Variants in GRM1 observed in about 807,000 individuals in gnomAD.
GRM1 encodes the protein glutamate metabotropic receptor 1.
In GRM1, 33 loss-of-function variants were observed where a neutral mutation model predicts 90.9. The ratio of observed to expected loss-of-function variants is 0.36; its 90% CI spans 0.28 to 0.49. The LOEUF (loss-of-function observed/expected upper bound fraction) is 0.49, where lower values mean the gene tolerates loss of function less well. Among genes scored for constraint, GRM1 ranks in the 20% least tolerant of loss-of-function variants. The pLI, the probability that GRM1 is intolerant of heterozygous loss-of-function variation, is 0.99. For missense variants in GRM1, 1,190 were observed against 1,534.3 expected (o/e 0.78, Z 3.75); for synonymous variants, 700 against 613.2 (o/e 1.14, Z -2.09).
intron 3 of GRM1, among the ~76,000 whole-genome samples, chr6:146,335,728 A>C (rs539755087): frequency 1.3e-5 from 2 of 152,284 alleles, no homozygotes; most frequent in South Asian, 2.1e-4. Flanking sequence ...CCATTTTAAC[A>C]GATACATTAA....
At chr6:146,324,398 G>A (rs1021248784) in intron 3 of GRM1, among the ~76,000 whole-genome samples, 2 of 151,984 alleles carry the variant, frequency 1.3e-5, no homozygotes, top group African/African-American at 4.8e-5. Flanking sequence ...CCAGGGGAGT[G>A]AACAGTTCTC....
chr6:146,320,415 C>A (rs1314470592), intron 3 of GRM1, among the ~76,000 whole-genome samples: 1 of 151,994 alleles, frequency 6.6e-6, no homozygotes, highest in South Asian at 2.1e-4. Flanking sequence ...GGGATATTGG[C>A]CTGAAATTTT....
chr6:146,098,905 A>T (rs1276438407), intron 1 of GRM1, among the ~76,000 whole-genome samples: 1 of 152,062 alleles, frequency 6.6e-6, no homozygotes, highest in Non-Finnish European at 1.5e-5. Context: ...AGCCATGCCA[A>T]ACTGTGAGTC....
intron 2 of GRM1, among the ~76,000 whole-genome samples, chr6:146,180,748 GT>G (rs1425760484): frequency 7.9e-5 from 12 of 151,834 alleles, no homozygotes; most frequent in Non-Finnish European, 1.8e-4. Context: ...GCTTCTCATG[GT>G]TTACTCTTTC....
intron 2 of GRM1, among the ~76,000 whole-genome samples, chr6:146,226,635 T>G (rs188547709): frequency 6.6e-6 from 1 of 152,300 alleles, no homozygotes; most frequent in Admixed American, 6.5e-5. Context: ...GTGAGTGGTC[T>G]TAATTAAAAC....
intron 3 of GRM1, chr6:146,340,555 G>GT (rs34284341): frequency 0.14 from 20,592 of 151,334 alleles, 1,507 homozygotes; most frequent in South Asian, 0.21. Context: ...TTTGTTTTTT[G>GT]TTTTTTTTGA....
intron 2 of GRM1, among the ~76,000 whole-genome samples, chr6:146,221,192 G>T (rs575207374): frequency 2.0e-5 from 3 of 152,194 alleles, no homozygotes; most frequent in African/African-American, 7.2e-5. Context: ...AAGAATCAGA[G>T]ATTTTTTTAA....
In GRM1 at chr6:146,238,552, A is replaced by G. The variant is rs570090462; in HGVS notation, c.951-66059A>G. Among the ~76,000 whole-genome samples the G allele has an allele frequency of 2.6e-5, 4 of 152,270 alleles. No individual in the cohort carries two copies. In the South Asian group the frequency reaches 8.3e-4, roughly 32 times the overall value. On this transcript the variant is annotated intron_variant, in intron 2 of 7. Coordinates refer to ENST00000282753, the MANE Select transcript of GRM1 (RefSeq NM_001278064.2). ...TGAAGAAAAAGGGTACGTACCCTTC[A>G]GTAGACAGTGTTCTTCCCACTACAG...
rs937477423 is a variant in GRM1, at chr6:146,210,663, A to G, written c.950+51066A>G. ...TGCCCATGACACTGTTGTGAAAGTT[A>G]ACATCCTTTTACCAAACACCCTGAG... On this transcript the variant is annotated intron_variant, in intron 2 of 7. Transcript: ENST00000282753. Among the ~76,000 whole-genome samples the G allele has an allele frequency of 8.5e-5, 13 of 152,152 alleles. 1 individual carries two copies. The highest frequency in any genetic ancestry group is 2.4e-4 in the African/African-American group (10 of 41,434).
intron 1 of GRM1, among the ~76,000 whole-genome samples, chr6:146,054,463 C>G (rs1481139652): frequency 6.6e-6 from 1 of 152,036 alleles, no homozygotes; most frequent in African/African-American, 2.4e-5. Flanking sequence ...ATAGCAAGCT[C>G]TGCTTTTCCT....
intron 1 of GRM1, among the ~76,000 whole-genome samples, chr6:146,082,813 A>G (rs1351802464): frequency 6.6e-6 from 1 of 152,198 alleles, no homozygotes; most frequent in Non-Finnish European, 1.5e-5. Context: ...TTGAATCTAT[A>G]CATTACTTCG....
At chr6:146,375,545 A>C (rs1776065013) in intron 5 of GRM1, among the ~76,000 whole-genome samples, 1 of 151,982 alleles carries the variant, frequency 6.6e-6, no homozygotes, top group Admixed American at 6.6e-5. Flanking sequence ...CTATAGCTCT[A>C]ATAATATTTC....
chr6:146,217,847 G>GA (rs5880668), intron 2 of GRM1, among the ~76,000 whole-genome samples: 33,447 of 152,098 alleles, frequency 0.22, 7,576 homozygotes, highest in African/African-American at 0.58. Context: ...GCTTCCCAGA[G>GA]AGGTGACTTT....
intron 7 of GRM1, among the ~76,000 whole-genome samples, chr6:146,420,172 C>T (rs527354227): frequency 6.6e-6 from 1 of 152,300 alleles, no homozygotes; most frequent in South Asian, 2.1e-4. Flanking sequence ...GAGACAGACT[C>T]ATCGAGGAGA....
intron 2 of GRM1, among the ~76,000 whole-genome samples, chr6:146,195,291 A>C (rs1323784467): frequency 6.6e-6 from 1 of 152,232 alleles, no homozygotes; most frequent in East Asian, 1.9e-4. Context: ...CGAAGACGTA[A>C]TTGCAACCAT....
intron 2 of GRM1, among the ~76,000 whole-genome samples, chr6:146,294,794 A>G (rs1783118908): frequency 6.6e-6 from 1 of 152,182 alleles, no homozygotes; most frequent in Non-Finnish European, 1.5e-5. Flanking sequence ...TTTATTCCTA[A>G]TAAAGATTTA....
intron 1 of GRM1, among the ~76,000 whole-genome samples, chr6:146,081,923 G>C (rs994713254): frequency 2.6e-5 from 4 of 152,170 alleles, no homozygotes; most frequent in Admixed American, 2.0e-4. Context: ...GAAAGGTTTT[G>C]TGGAGAAGTG....
At chr6:146,327,895 G>A (rs1359398649) in intron 3 of GRM1, among the ~76,000 whole-genome samples, 2 of 152,070 alleles carry the variant, frequency 1.3e-5, no homozygotes, top group East Asian at 3.9e-4. Context: ...ATTTCGATGG[G>A]CGATTTAGGG....
chr6:146,179,561 G>A (rs9497471), intron 2 of GRM1, among the ~76,000 whole-genome samples: 6 of 152,142 alleles, frequency 3.9e-5, no homozygotes, highest in South Asian at 4.1e-4. Context: ...TCGCCCAGGC[G>A]GGAGTGCAGT....
Sources: gnomAD v4.1 joint callset for allele counts (sites outside exome capture counted in the v4.1 genomes callset) on GRCh38, gnomAD v4.1.1 for gene constraint, MANE v1.5 for transcripts, NCBI Gene and HGNC (gene_info 2026-07-23, HGNC 2026-07-21) for gene names.